The following DEF6 variants were observed in gnomAD, a reference collection of about 807,000 sequenced individuals.
The protein encoded by DEF6 is DEF6 guanine nucleotide exchange factor.
A neutral mutation model predicts 80.5 loss-of-function variants in DEF6; 32 were observed. That is an observed-to-expected ratio of 0.40 (90% CI 0.30 to 0.53). DEF6 has a LOEUF of 0.53. Ranked by LOEUF, DEF6 falls within the 20% of genes least tolerant of loss-of-function variation. The pLI is 0.57. For synonymous variants in DEF6, 300 were observed against 337.9 expected, an observed-to-expected ratio of 0.89 and a Z score of 1.23; for missense variants, 575 against 818.7, an observed-to-expected ratio of 0.70 and a Z score of 3.63.
chr6:35,306,293 C>T (rs867082459), intron 1 of DEF6, among the ~76,000 whole-genome samples: 9 of 151,132 alleles, frequency 6.0e-5, no homozygotes, highest in Non-Finnish European at 1.0e-4. Context: ...GGCGGAACAC[C>T]TGAGGTCAGG....
intron 1 of DEF6, 25 bp downstream of exon 1, chr6:35,297,977 G>A (rs1341862805): frequency 6.4e-7 from 1 of 1,562,828 alleles, no homozygotes. Context: ...GGACCCGGGG[G>A]AGGACGGCAG....
Position 35,319,450 on chromosome 6 carries a change from C to A in DEF6, c.1216-74C>A. The A allele has an allele frequency of 9.3e-7, 1 of 1,070,306 alleles. No individual in the cohort carries two copies. The highest frequency in any genetic ancestry group is 1.4e-6 in the Non-Finnish European group (1 of 731,196). 66.3% of individuals were successfully genotyped at this position (1,070,306 alleles called of 1,614,324 possible). ...CACCCCTAGGCAGCTTAGCAACATG[C>A]CCACCCCCTCCTCCTCCGCCCCCAC... On this transcript the variant is annotated intron_variant, in intron 7 of 10. Transcript: ENST00000316637. The surrounding 1 kb of genome is among the most constrained non-coding windows in gnomAD (Gnocchi z 4.5).
chr6:35,315,847 CTT>C (rs1159503411), intron 5 of DEF6, among the ~76,000 whole-genome samples: 5 of 113,806 alleles, frequency 4.4e-5, no homozygotes, highest in East Asian at 2.4e-4. Context: ...GTTGGAGTCC[CTT>C]TTTTTTTTTT....
intron 1 of DEF6, among the ~76,000 whole-genome samples, chr6:35,303,452 TC>T (rs1285179004): frequency 6.6e-6 from 1 of 152,296 alleles, no homozygotes; most frequent in South Asian, 2.1e-4. Flanking sequence ...GTCTGCTTCT[TC>T]CCATGAAGTG....
chr6:35,317,364 T>C (rs1449569327), intron 5 of DEF6, among the ~76,000 whole-genome samples: 2 of 152,232 alleles, frequency 1.3e-5, no homozygotes, highest in African/African-American at 4.8e-5. Context: ...TAATGATGCA[T>C]ATAAAATACT....
At position 35,312,447 on chromosome 6, in the gene DEF6, C is replaced by G; in HGVS notation, c.569C>G (p.Ser190Trp). 1 of 1,614,126 alleles carries G rather than the reference C, an allele frequency of 6.2e-7. No individual in the cohort carries two copies. The highest frequency in any genetic ancestry group is 2.2e-5 in the East Asian group (1 of 44,876). ...SVWQFLELFN[S>W]GRCLRGVGRD... ...TGGCAGTTCCTGGAGCTCTTCAATT[C>G]GGGCCGCTGCCTGCGGGGCGTGGGC... Residue 190 changes from serine to tryptophan, a missense_variant, in exon 4 of 11, where the codon TCG becomes TGG. Physicochemically the swap from Ser to Trp is radical, Grantham distance 177. Transcript: ENST00000316637. The surrounding 1 kb of genome is among the most constrained non-coding windows in gnomAD (Gnocchi z 6.6).
chr6:35,313,299 A>T (rs1791490994), intron 5 of DEF6: 1 of 430,034 alleles, frequency 2.3e-6, no homozygotes, highest in African/African-American at 2.1e-5. Context: ...TAAGCGTACA[A>T]TTCAGTGGCA....
intron 1 of DEF6, among the ~76,000 whole-genome samples, chr6:35,298,944 A>G (rs1184475108): frequency 6.6e-6 from 1 of 152,168 alleles, no homozygotes; most frequent in East Asian, 1.9e-4. Flanking sequence ...GTGTGGTCTC[A>G]AGGAAACCTC....
Position 35,318,187 on chromosome 6 carries a change from A to T in DEF6, c.931A>T (p.Ile311Phe). 1 of 1,567,318 alleles carries T rather than the reference A, an allele frequency of 6.4e-7. No homozygotes were observed. Among genetic ancestry groups the T allele is most frequent in the Non-Finnish European group, 8.6e-7 (1 of 1,158,482 alleles). The change falls in exon 7 of 11, where the codon ATC becomes TTC. Residue 311 changes from isoleucine to phenylalanine, a missense_variant. Physicochemically the swap from Ile to Phe is conservative, Grantham distance 21. Transcript: ENST00000316637. The surrounding 1 kb of genome is among the most constrained non-coding windows in gnomAD (Gnocchi z 5.1). ...CTCTTCGGCAGCCATCCAGATGGCG[A>T]TCCGGCTGCAGGCCGAGGGGAAGAC... ...QEWTAAIQMA[I>F]RLQAEGKTSL...
intron 1 of DEF6, among the ~76,000 whole-genome samples, chr6:35,307,853 A>G (rs772242987): frequency 1.3e-5 from 2 of 152,198 alleles, no homozygotes; most frequent in Non-Finnish European, 2.9e-5. Context: ...AGAGAATAAA[A>G]TGAAGGCTTG....
At chr6:35,310,420 T>G in intron 2 of DEF6, 39 bp from the exon 3 acceptor site, 4 of 1,606,044 alleles carry the variant, frequency 2.5e-6, no homozygotes, top group Non-Finnish European at 3.4e-6. Flanking sequence ...GTGGTAGAGC[T>G]GAGATATGCA....
Position 35,312,562 on chromosome 6 carries a change from G to A in DEF6, c.660+24G>A. On this transcript the variant is annotated intron_variant, in intron 4 of 10. Transcript: ENST00000316637. The surrounding 1 kb of genome is among the most constrained non-coding windows in gnomAD (Gnocchi z 6.6). Reference sequence around the variant, plus strand: ...AGGTCAGGCAAGCTGGGAACTAGGGGAAGCACACAAGGTGCAGGGCGAAGG... The same window carrying A: ...AGGTCAGGCAAGCTGGGAACTAGGGAAAGCACACAAGGTGCAGGGCGAAGG... The A allele has an allele frequency of 1.2e-6, 2 of 1,613,988 alleles. No homozygotes were observed. Among genetic ancestry groups the A allele is most frequent in the Non-Finnish European group, 1.7e-6 (2 of 1,179,892 alleles).
At chr6:35,308,311 A>G (rs920719285) in intron 1 of DEF6, among the ~76,000 whole-genome samples, 1 of 151,656 alleles carries the variant, frequency 6.6e-6, no homozygotes, top group African/African-American at 2.4e-5. Context: ...TGTGAGGATC[A>G]CTTGAGGCCA....
chr6:35,306,238 C>T (rs1047170960), intron 1 of DEF6, among the ~76,000 whole-genome samples: 5 of 149,848 alleles, frequency 3.3e-5, no homozygotes, highest in African/African-American at 4.9e-5. Flanking sequence ...TGGCCGGGCG[C>T]GGTGGCTCAT....
Position 35,318,310 on chromosome 6 carries a change from C to G in DEF6, c.1054C>G (p.Gln352Glu). Residue 352 changes from glutamine to glutamate, a missense_variant, in exon 7 of 11, where the codon CAG (glutamine) becomes GAG (glutamate). By Grantham distance (29) the Gln-to-Glu change is conservative. Transcript: ENST00000316637. This position sits in a 1 kb window ranked among gnomAD's most constrained non-coding sequence, Gnocchi z 5.1. ...GGAAGAGGAGCTGCTGCGGCTGCAGCAGCTGCAGGAGGAGAAGGAGCGGAA... is the reference window on the plus strand; with the variant it reads ...GGAAGAGGAGCTGCTGCGGCTGCAGGAGCTGCAGGAGGAGAAGGAGCGGAA... ...AKEEELLRLQ[Q>E]LQEEKERKLQ... The G allele has an allele frequency of 1.3e-6, 2 of 1,550,876 alleles. No homozygotes were observed. The highest frequency in any genetic ancestry group is 1.7e-6 in the Non-Finnish European group (2 of 1,148,934).
chr6:35,308,399 A>T (rs1276752085), intron 1 of DEF6, among the ~76,000 whole-genome samples: 1 of 150,824 alleles, frequency 6.6e-6, no homozygotes, highest in East Asian at 1.9e-4. Context: ...TTGGCCGGGC[A>T]TGGTGCCTCA....
At chr6:35,299,130 A>G (rs1182259996) in intron 1 of DEF6, among the ~76,000 whole-genome samples, 1 of 152,150 alleles carries the variant, frequency 6.6e-6, no homozygotes, top group Non-Finnish European at 1.5e-5. Context: ...TGAGCATCTA[A>G]TAGATGATTT....
At chr6:35,321,102 C>T (rs1791585055) in intron 10 of DEF6, 85 bp from the exon 11 acceptor site, 1 of 1,557,968 alleles carries the variant, frequency 6.4e-7, no homozygotes, top group Non-Finnish European at 8.8e-7. Context: ...AGGAGGCTCC[C>T]CTCTCCTCTG....
chr6:35,319,886 A>G lies in DEF6; in HGVS notation c.1450A>G (p.Ile484Val), dbSNP rs781478634. 3.2e-6 allele frequency: 5 copies of G among 1,580,690 alleles called. No homozygotes were observed. Reference sequence around the variant, plus strand: ...GCTGAAGGAGGAGCAGGAGCGCTACATCGAACGGGCGCAGCAGGAGAAGGA... The same window carrying G: ...GCTGAAGGAGGAGCAGGAGCGCTACGTCGAACGGGCGCAGCAGGAGAAGGA... ...MQLKEEQERY[I>V]ERAQQEKEEL... The change falls in exon 9 of 11, where the codon ATC (isoleucine) becomes GTC (valine). Residue 484 changes from isoleucine (I) to valine (V), a missense_variant. Coordinates refer to ENST00000316637, the MANE Select transcript of DEF6 (RefSeq NM_022047.4). This position sits in a 1 kb window ranked among gnomAD's most constrained non-coding sequence, Gnocchi z 4.5.
Sources: allele counts gnomAD v4.1 joint callset (sites outside exome capture counted in the v4.1 genomes callset), GRCh38; gene constraint gnomAD v4.1.1; non-coding constraint Gnocchi (gnomAD v3.1); transcripts MANE v1.5; gene names NCBI Gene and HGNC (gene_info 2026-07-23, HGNC 2026-07-21).